BRAF: variants seen among roughly 807,000 people sequenced by gnomAD.
The protein encoded by BRAF is serine/threonine-protein kinase B-raf.
Under a neutral mutation model 104.6 loss-of-function variants are expected in BRAF, and 16 were observed. The observed-to-expected ratio is 0.15, with a 90% confidence interval of 0.10 to 0.23. The LOEUF is 0.23. BRAF is among the 10% of genes least tolerant of loss of function. The pLI is 1.00. For missense variants in BRAF, 541 were observed against 937.3 expected, an observed-to-expected ratio of 0.58 and a Z score of 5.52; for synonymous variants, 310 against 341.6, an observed-to-expected ratio of 0.91 and a Z score of 1.02.
At chr7:140,843,978 C>T (rs961273443) in intron 2 of BRAF, among the ~76,000 whole-genome samples, 8 of 152,068 alleles carry the variant, frequency 5.3e-5, no homozygotes, top group Non-Finnish European at 1.0e-4. Flanking sequence ...CACTGCACTC[C>T]CGCCTGGGTG....
chr7:140,816,939 A>C (rs1160871050), intron 3 of BRAF, among the ~76,000 whole-genome samples: 1 of 152,078 alleles, frequency 6.6e-6, no homozygotes, highest in African/African-American at 2.4e-5. Flanking sequence ...TATTCGACAC[A>C]CTATTGGAAG....
At chr7:140,769,993 C>T (rs766627644) in intron 14 of BRAF, among the ~76,000 whole-genome samples, 7 of 152,166 alleles carry the variant, frequency 4.6e-5, no homozygotes, top group Admixed American at 1.3e-4. Flanking sequence ...ACAGCTACTT[C>T]CAGAATGCTG....
chr7:140,858,818 A>C (rs192026062), intron 1 of BRAF, among the ~76,000 whole-genome samples: 1 of 152,048 alleles, frequency 6.6e-6, no homozygotes, highest in African/African-American at 2.4e-5. Context: ...TGTTTATATA[A>C]GTGTTTATAT....
At chr7:140,767,739 A>T (rs1228887926) in intron 14 of BRAF, among the ~76,000 whole-genome samples, 1 of 152,220 alleles carries the variant, frequency 6.6e-6, no homozygotes, top group East Asian at 1.9e-4. Flanking sequence ...TGGTTAAAGG[A>T]ATACACCCTG....
chr7:140,869,689 T>C (rs1186759214), intron 1 of BRAF, among the ~76,000 whole-genome samples: 1 of 151,978 alleles, frequency 6.6e-6, no homozygotes, highest in East Asian at 1.9e-4. Flanking sequence ...AGGCATGATA[T>C]ACACAGTAGC....
At chr7:140,749,180 C>G in intron 17 of BRAF, 107 bp downstream of exon 16, 1 of 1,482,580 alleles carries the variant, frequency 6.7e-7, no homozygotes, top group Non-Finnish European at 9.2e-7. Flanking sequence ...AACAAAAAAT[C>G]AAGAAATCTA....
Position 140,785,434 on chromosome 7 carries a change from G to A in BRAF, c.1297+255C>T, listed in dbSNP as rs550696715. Among the ~76,000 whole-genome samples the A allele has an allele frequency of 1.2e-3, 187 of 152,076 alleles. 1 individual carries two copies. The highest frequency in any genetic ancestry group is 6.4e-3 in the South Asian group (31 of 4,812). On this transcript the variant is annotated intron_variant, in intron 10 of 19. Transcript: ENST00000644969. Reference sequence around the variant, plus strand: ...CAAGACCAAGAAGTAATAAAATAACGAAAAAACAAGATGGAAATCTCAGGT... The same window carrying A: ...CAAGACCAAGAAGTAATAAAATAACAAAAAAACAAGATGGAAATCTCAGGT...
intron 1 of BRAF, among the ~76,000 whole-genome samples, chr7:140,874,290 C>T (rs1377303102): frequency 6.7e-6 from 1 of 150,056 alleles, no homozygotes; most frequent in African/African-American, 2.5e-5. Context: ...CAACCTCCAA[C>T]TCCCTGATTC....
chr7:140,719,117 C>T (rs985922769), downstream of BRAF, among the ~76,000 whole-genome samples: 2 of 152,180 alleles, frequency 1.3e-5, no homozygotes, highest in African/African-American at 2.4e-5. Flanking sequence ...ACCTGACAAA[C>T]GACTGTTGCC....
rs1562995159 is a variant in BRAF at position 140,851,443 on chromosome 7, G to C, written c.139-1231C>G. Among the ~76,000 whole-genome samples the C allele has an allele frequency of 2.0e-5, 3 of 151,254 alleles. No homozygotes were observed. In the South Asian group the frequency reaches 6.3e-4, roughly 32 times the overall value. ...TTTTTAAATGTACTGGGAAATAAAT[G>C]AAAAAAAAGAGTTCCAAATCTCTTG... is the stretch of plus-strand genomic sequence containing the variant. On this transcript the variant is annotated intron_variant, in intron 1 of 19. Coordinates refer to ENST00000644969, the MANE Select transcript of BRAF (RefSeq NM_001374258.1).
intron 3 of BRAF, among the ~76,000 whole-genome samples, chr7:140,830,830 C>A (rs960341304): frequency 6.6e-6 from 1 of 152,212 alleles, no homozygotes; most frequent in Non-Finnish European, 1.5e-5. Flanking sequence ...TTCCCACATA[C>A]CTTTCCCTAT....
At chr7:140,800,327 T>C (rs1162893877) in intron 7 of BRAF, 35 bp downstream of exon 7, 4 of 1,613,648 alleles carry the variant, frequency 2.5e-6, no homozygotes, top group Non-Finnish European at 2.5e-6. Context: ...GCGGTTCAAG[T>C]AGCATGTCGC....
chr7:140,759,844 G>T (rs993966038), intron 14 of BRAF, among the ~76,000 whole-genome samples: 3 of 152,180 alleles, frequency 2.0e-5, no homozygotes, highest in African/African-American at 7.2e-5. Context: ...ATCATTTGGG[G>T]ATCTTGTTAA....
chr7:140,722,164 A>T lies in BRAF; in HGVS notation c.*4330T>A. The T allele has an allele frequency of 2.8e-6, 3 of 1,063,206 alleles. No individual in the cohort carries two copies. The highest frequency in any genetic ancestry group is 3.4e-6 in the Non-Finnish European group (3 of 878,034). 65.9% of individuals were successfully genotyped at this position (1,063,206 alleles called of 1,614,324 possible). A position where few individuals can be genotyped will look rare whatever the true frequency, so the allele number is the denominator to read the frequency against. On this transcript the variant is annotated 3_prime_UTR_variant, in exon 20 of 20. Transcript: ENST00000644969. ...AGAAATGTCACTGAACTATATTTGC[A>T]ACCTAGTTGCTCTATGTGATAAATA...
At chr7:140,835,638 G>A (rs1184647595) in intron 2 of BRAF, 1 of 151,460 alleles carries the variant, frequency 6.6e-6, no homozygotes, top group African/African-American at 2.4e-5. Context: ...AAGAAATTAT[G>A]GGGCTACTAT....
At chr7:140,742,014 T>C (rs1023319811) in intron 17 of BRAF, among the ~76,000 whole-genome samples, 2 of 152,062 alleles carry the variant, frequency 1.3e-5, no homozygotes, top group Admixed American at 6.6e-5. Flanking sequence ...GTATTTAACA[T>C]AACCTTGTGG....
At chr7:140,732,207 A>AAAAAAAG (rs1796031434) in intron 19 of BRAF, 1 of 125,890 alleles carries the variant, frequency 7.9e-6, no homozygotes, top group Non-Finnish European at 1.6e-5. Flanking sequence ...AAAAAAAAAA[A>AAAAAAAG]AAAAGGAAAT....
At chr7:140,844,972 A>G (rs1808392287) in intron 2 of BRAF, among the ~76,000 whole-genome samples, 1 of 152,212 alleles carries the variant, frequency 6.6e-6, no homozygotes, top group Non-Finnish European at 1.5e-5. Context: ...CAATTTTGAA[A>G]AAGAACAAAG....
chr7:140,831,797 T>C (rs1413521770), intron 3 of BRAF, among the ~76,000 whole-genome samples: 1 of 152,228 alleles, frequency 6.6e-6, no homozygotes, highest in African/African-American at 2.4e-5. Flanking sequence ...TTCAAAATAT[T>C]CATATTTATA....
Sources: allele counts gnomAD v4.1 joint callset (sites outside exome capture counted in the v4.1 genomes callset), GRCh38; gene constraint gnomAD v4.1.1; transcripts MANE v1.5; gene names NCBI Gene and HGNC (gene_info 2026-07-23, HGNC 2026-07-21).